Variants in ABAT observed in about 807,000 individuals in gnomAD.
The protein encoded by ABAT is 4-aminobutyrate aminotransferase, mitochondrial.
In ABAT, 45 loss-of-function variants were observed where a neutral mutation model predicts 64.6. The ratio of observed to expected loss-of-function variants is 0.70; its 90% CI spans 0.55 to 0.89. The LOEUF (loss-of-function observed/expected upper bound fraction) is 0.89, where lower values mean the gene tolerates loss of function less well. Ranked by LOEUF, ABAT falls within the 40% of genes least tolerant of loss-of-function variation. The pLI, the probability that ABAT is intolerant of heterozygous loss-of-function variation, is 0.00. For synonymous variants in ABAT, 297 were observed against 250.5 expected, an observed-to-expected ratio of 1.19 and a Z score of -1.75; for missense variants, 633 against 658.4, an observed-to-expected ratio of 0.96 and a Z score of 0.42.
chr16:8,755,410 C>T (rs1183059456), intron 5 of ABAT, among the ~76,000 whole-genome samples: 4 of 152,214 alleles, frequency 2.6e-5, no homozygotes, highest in African/African-American at 9.6e-5. Flanking sequence ...GGCTTCAAGA[C>T]ACATGAAAGT....
intron 1 of ABAT, among the ~76,000 whole-genome samples, chr16:8,695,525 C>T (rs2057683304): frequency 6.6e-6 from 1 of 152,184 alleles, no homozygotes. Context: ...ATGAGTTTTG[C>T]TCAACCTTAT....
intron 1 of ABAT, among the ~76,000 whole-genome samples, chr16:8,693,074 C>G (rs549979877): frequency 6.6e-6 from 1 of 152,122 alleles, no homozygotes; most frequent in African/African-American, 2.4e-5. Flanking sequence ...AGGATGGTCT[C>G]GAACTCATGA....
intron 1 of ABAT, among the ~76,000 whole-genome samples, chr16:8,717,239 G>A (rs2058239699): frequency 6.6e-6 from 1 of 152,166 alleles, no homozygotes; most frequent in African/African-American, 2.4e-5. Flanking sequence ...GCAGTGAGCC[G>A]AGATTGTGCC....
chr16:8,749,862 C>A (rs982164784), intron 4 of ABAT, among the ~76,000 whole-genome samples: 6 of 152,092 alleles, frequency 3.9e-5, no homozygotes, highest in Non-Finnish European at 7.4e-5. Context: ...CACAGGCGTG[C>A]ACCACCACGC....
chr16:8,757,173 AT>A (rs1178595493), intron 5 of ABAT: 4 of 451,946 alleles, frequency 8.9e-6, no homozygotes, highest in Non-Finnish European at 1.8e-5. Flanking sequence ...CTCCCTTTTT[AT>A]TTATTTATTT....
chr16:8,735,927 G>T, intron 2 of ABAT, 118 bp downstream of exon 2: 1 of 856,190 alleles, frequency 1.2e-6, no homozygotes, highest in Admixed American at 2.0e-5. Context: ...GTGTTTCTGG[G>T]ACTGTCCCAC....
intron 2 of ABAT, among the ~76,000 whole-genome samples, chr16:8,737,973 G>GAAGA (rs2059009444): frequency 6.7e-4 from 2 of 2,996 alleles, no homozygotes; most frequent in Non-Finnish European, 1.4e-3. Context: ...AGGAAGGAAG[G>GAAGA]AAGGAAGGAA....
intron 2 of ABAT, chr16:8,736,304 C>G (rs2058932852): frequency 5.4e-6 from 1 of 183,650 alleles, no homozygotes; most frequent in Non-Finnish European, 1.2e-5. Flanking sequence ...CAAACCACAT[C>G]ACCCACTATC....
At chr16:8,744,834 T>C (rs1283197425) in intron 2 of ABAT, among the ~76,000 whole-genome samples, 1 of 152,004 alleles carries the variant, frequency 6.6e-6, no homozygotes, top group African/African-American at 2.4e-5. Flanking sequence ...TGTCTCTGCA[T>C]GCTAATACCA....
At chr16:8,690,369 C>T (rs1039358270) in intron 1 of ABAT, among the ~76,000 whole-genome samples, 1 of 152,212 alleles carries the variant, frequency 6.6e-6, no homozygotes, top group Non-Finnish European at 1.5e-5. Context: ...GGCATGATTC[C>T]TACTCTATGG....
In ABAT at chr16:8,722,834, A is replaced by G. The variant is rs970936733; in HGVS notation, c.-41-12865A>G. On this transcript the variant is annotated intron_variant, in intron 1 of 15. Transcript: ENST00000268251. ...GAATCAAAGAGGGATATACTAATGC[A>G]ACTTCGAGGTAGGAGCAAGGCTTGG... 20 of 1,289,038 alleles carry G rather than the reference A, an allele frequency of 1.6e-5. No homozygotes were observed. The African/African-American group carries it at 2.9e-4, about 19-fold the overall frequency. The allele number at this position is 1,289,038 out of a possible 1,614,324, so 79.9% of individuals were successfully genotyped here.
At chr16:8,704,070 G>C (rs188563627) in intron 1 of ABAT, among the ~76,000 whole-genome samples, 10 of 152,284 alleles carry the variant, frequency 6.6e-5, no homozygotes, top group African/African-American at 2.4e-4. Flanking sequence ...CCACTATCTT[G>C]GGATGAGTCG....
chr16:8,761,278 C>T (rs1405920947), intron 6 of ABAT, among the ~76,000 whole-genome samples: 2 of 151,438 alleles, frequency 1.3e-5, no homozygotes, highest in East Asian at 3.9e-4. Flanking sequence ...TTTCTGCCAG[C>T]AACCTCTCCC....
intron 14 of ABAT, among the ~76,000 whole-genome samples, chr16:8,777,570 G>T (rs926850246): frequency 3.3e-5 from 5 of 152,160 alleles, no homozygotes; most frequent in African/African-American, 1.2e-4. Context: ...CCGTAAGGAC[G>T]TGTGGGGATG....
intron 3 of ABAT, among the ~76,000 whole-genome samples, 184 bp downstream of exon 3, chr16:8,746,282 G>A (rs1031719414): frequency 2.6e-5 from 4 of 152,204 alleles, no homozygotes; most frequent in African/African-American, 7.2e-5. Context: ...GGCTGGGCGC[G>A]GTGGCTGACG....
chr16:8,761,493 A>G (rs967907549), intron 6 of ABAT, among the ~76,000 whole-genome samples: 2 of 152,198 alleles, frequency 1.3e-5, no homozygotes, highest in African/African-American at 4.8e-5. Flanking sequence ...TTATTGACTG[A>G]ATGCTTCCAA....
In ABAT at chr16:8,777,990, G is replaced by A. The variant is rs541413602; in HGVS notation, c.1270-1489G>A. 9.9e-5 allele frequency among the ~76,000 whole-genome samples: 15 copies of A among 152,222 alleles called. No homozygotes were observed. In the East Asian group the frequency reaches 2.5e-3, roughly 25 times the overall value. On this transcript the variant is annotated intron_variant, in intron 14 of 15. Transcript: ENST00000268251. ...AATTGTGCACATAAGTGTCTAACAC[G>A]GTGCCCGGCTCTGTCACCCCCAGAA...
At chr16:8,757,006 C>T (rs776133983) in intron 5 of ABAT, among the ~76,000 whole-genome samples, 12 of 152,146 alleles carry the variant, frequency 7.9e-5, no homozygotes, top group Non-Finnish European at 1.8e-4. Context: ...CAGGTGGCAT[C>T]ACTACTCGCT....
intron 1 of ABAT, among the ~76,000 whole-genome samples, chr16:8,707,932 A>G (rs2057985130): frequency 6.6e-6 from 1 of 152,174 alleles, no homozygotes; most frequent in Non-Finnish European, 1.5e-5. Flanking sequence ...AACTCATGAA[A>G]TCATCACCAC....
Sources: allele counts gnomAD v4.1 joint callset (sites outside exome capture counted in the v4.1 genomes callset), GRCh38; gene constraint gnomAD v4.1.1; transcripts MANE v1.5; gene names NCBI Gene and HGNC (gene_info 2026-07-23, HGNC 2026-07-21).